Variants in DISP1 observed in about 807,000 individuals in gnomAD.
DISP1 encodes dispatched RND transporter family member 1, also known as protein dispatched homolog 1.
DISP1 carries 30 observed loss-of-function variants against 37.3 expected under a neutral mutation model. The observed-to-expected ratio is 0.80, with a 90% CI of 0.60 to 1.09. DISP1 has a LOEUF of 1.09. DISP1 is among the 50% of genes least tolerant of loss of function. The pLI, the probability that DISP1 is intolerant of heterozygous loss-of-function variation, is 0.00. For synonymous variants in DISP1, 634 were observed against 690.2 expected, an observed-to-expected ratio of 0.92 and a Z score of 1.28; for missense variants, 1,598 against 1,879.5, an observed-to-expected ratio of 0.85 and a Z score of 2.77.
chr1:222,925,330 C>A (rs374624866), intron 1 of DISP1, among the ~76,000 whole-genome samples: 49 of 152,006 alleles, frequency 3.2e-4, no homozygotes, highest in Admixed American at 1.4e-3. Flanking sequence ...AACTCTAGAA[C>A]CTTTGTTTGC....
intron 4 of DISP1, chr1:222,989,521 T>A (rs1558072797): frequency 2.0e-6 from 2 of 985,276 alleles, no homozygotes; most frequent in Non-Finnish European, 2.4e-6. Context: ...TCTTTCAATT[T>A]GAGGTAACAA....
Position 222,928,538 on chromosome 1 carries a change from T to C in DISP1, c.-50T>C, listed in dbSNP as rs1418434055. Reference sequence around the variant, plus strand: ...GCTACTGCAATCATTTGCACCAAACTGAGCCAGAGAAGTTCCCTCTTTTAA... The same window carrying C: ...GCTACTGCAATCATTTGCACCAAACCGAGCCAGAGAAGTTCCCTCTTTTAA... On this transcript the variant is annotated 5_prime_UTR_variant, in exon 2 of 9. Coordinates refer to ENST00000675850, the MANE Select transcript of DISP1 (RefSeq NM_001377229.1). 6.6e-6 allele frequency: 1 copy of C among 152,260 alleles called. No individual in the cohort carries two copies. Among genetic ancestry groups the C allele is most frequent in the Non-Finnish European group, 1.5e-5 (1 of 68,058 alleles). 9.4% of individuals were successfully genotyped at this position (152,260 alleles called of 1,614,324 possible). A position where few individuals can be genotyped will look rare whatever the true frequency, so the allele number is the denominator to read the frequency against.
chr1:222,850,845 A>G (rs1186503570), intron 1 of DISP1, among the ~76,000 whole-genome samples: 1 of 152,048 alleles, frequency 6.6e-6, no homozygotes, highest in Non-Finnish European at 1.5e-5. Context: ...CCAGTCTGTC[A>G]TTGATGGACA....
chr1:222,977,444 G>A (rs1444425902), intron 3 of DISP1, among the ~76,000 whole-genome samples: 3 of 118,384 alleles, frequency 2.5e-5, no homozygotes, highest in Non-Finnish European at 3.4e-5. Flanking sequence ...AATATTTTTT[G>A]TCTAACTCCC....
At chr1:222,935,898 AT>A (rs1673693942) in intron 2 of DISP1, among the ~76,000 whole-genome samples, 2 of 152,264 alleles carry the variant, frequency 1.3e-5, no homozygotes, top group Non-Finnish European at 2.9e-5. Flanking sequence ...ATTGTGTGTC[AT>A]TAATTTTGGT....
At chr1:222,897,258 C>CT (rs1164781776) in intron 1 of DISP1, among the ~76,000 whole-genome samples, 1 of 152,102 alleles carries the variant, frequency 6.6e-6, no homozygotes, top group Non-Finnish European at 1.5e-5. Flanking sequence ...TTAGGAAGTT[C>CT]TAGAACAGGC....
At chr1:222,916,493 G>A (rs956359371) in intron 1 of DISP1, among the ~76,000 whole-genome samples, 2 of 152,210 alleles carry the variant, frequency 1.3e-5, no homozygotes, top group Non-Finnish European at 2.9e-5. Context: ...TGTGGAGCAT[G>A]CCAATCAATT....
rs192644043 is a variant in DISP1 at position 222,961,466 on chromosome 1, A to G, written c.509+18134A>G. On this transcript the variant is annotated intron_variant, in intron 3 of 8. Coordinates refer to ENST00000675850, the MANE Select transcript of DISP1 (RefSeq NM_001377229.1). ...AATAAACTAGGTATTGATGGAACGT[A>G]TCTCAGAATAATAGCTATTCATGAT... Among the ~76,000 whole-genome samples the G allele has an allele frequency of 2.2e-3, 332 of 152,336 alleles. 2 individuals are homozygous for G. The highest frequency in any genetic ancestry group is 7.4e-3 in the African/African-American group (307 of 41,568).
chr1:222,995,124 C>T (rs1432406008), intron 8 of DISP1, 142 bp downstream of exon 8: 9 of 679,350 alleles, frequency 1.3e-5, no homozygotes, highest in Non-Finnish European at 2.1e-5. Context: ...AGCAGGCCAG[C>T]TTTGCATTCT....
chr1:222,936,644 T>TATATAATATATAAAATATATG (rs1558339236), intron 2 of DISP1, among the ~76,000 whole-genome samples: 37 of 112,200 alleles, frequency 3.3e-4, no homozygotes, highest in African/African-American at 1.3e-3. Flanking sequence ...ATATATGAGA[T>TATATAATATATAAAATATATG]ATATATATCT....
At chr1:222,913,978 A>G (rs1050839377) in intron 1 of DISP1, among the ~76,000 whole-genome samples, 1 of 148,626 alleles carries the variant, frequency 6.7e-6, no homozygotes, top group Non-Finnish European at 1.5e-5. Flanking sequence ...TATAACTCAT[A>G]CTGTTATATG....
At position 223,004,694 on chromosome 1, in the gene DISP1, C is replaced by T. The variant is rs778288584; in HGVS notation, c.3297C>T (p.Pro1099=). 6.2e-7 allele frequency: 1 copy of T among 1,614,074 alleles called. No individual in the cohort carries two copies. The highest frequency in any genetic ancestry group is 1.1e-5 in the South Asian group (1 of 91,078). Reference sequence around the variant, plus strand: ...TCGTGGCAGGGGCCATGATGATGCCCTCCACAGTTCTAGCTTACACCCAGC... The same window carrying T: ...TCGTGGCAGGGGCCATGATGATGCCTTCCACAGTTCTAGCTTACACCCAGC... The part of the protein sequence containing the change: ...TTFVAGAMMM[P]STVLAYTQLG... The change falls in exon 9 of 9, where the codon CCC becomes CCT. Residue 1099 remains proline, a synonymous_variant. Transcript: ENST00000675850. This position sits in a 1 kb window ranked among gnomAD's most constrained non-coding sequence, Gnocchi z 4.9.
At chr1:222,904,695 G>T (rs1477073496) in intron 1 of DISP1, among the ~76,000 whole-genome samples, 1 of 151,774 alleles carries the variant, frequency 6.6e-6, no homozygotes, top group Non-Finnish European at 1.5e-5. Flanking sequence ...AGTCTCCTGA[G>T]TAACTGGGAC....
intron 1 of DISP1, among the ~76,000 whole-genome samples, chr1:222,928,212 G>A (rs1673190739): frequency 6.6e-6 from 1 of 152,224 alleles, no homozygotes; most frequent in African/African-American, 2.4e-5. Context: ...TGTGGAAGCA[G>A]GAAAAGGCTA....
intron 1 of DISP1, among the ~76,000 whole-genome samples, chr1:222,824,803 T>C (rs1171003297): frequency 3.3e-5 from 5 of 152,076 alleles, no homozygotes; most frequent in African/African-American, 1.2e-4. Flanking sequence ...ACCTTTCTCA[T>C]ATTACAGCAT....
intron 1 of DISP1, among the ~76,000 whole-genome samples, chr1:222,846,655 T>C (rs919215566): frequency 6.6e-6 from 1 of 152,228 alleles, no homozygotes; most frequent in Non-Finnish European, 1.5e-5. Flanking sequence ...TAAAGATGCA[T>C]CTAAGGCTTG....
intron 4 of DISP1, among the ~76,000 whole-genome samples, chr1:222,988,104 A>T (rs111841208): frequency 6.6e-6 from 1 of 152,172 alleles, no homozygotes. Flanking sequence ...TGTCACTTAA[A>T]TGTTTTTATT....
chr1:222,876,480 C>T (rs1669981884), intron 1 of DISP1, among the ~76,000 whole-genome samples: 1 of 152,126 alleles, frequency 6.6e-6, no homozygotes, highest in African/African-American at 2.4e-5. Flanking sequence ...TGGTTCACTG[C>T]AGCACTGTCT....
rs372615313 is a variant in DISP1, at chr1:223,003,716, G to C, written c.2319G>C (p.Met773Ile). Residue 773 changes from methionine (M) to isoleucine (I), a missense_variant, in exon 9 of 9, where the codon ATG (methionine) becomes ATC (isoleucine). Physicochemically the swap from Met to Ile is conservative, Grantham distance 10. Coordinates refer to ENST00000675850, the MANE Select transcript of DISP1 (RefSeq NM_001377229.1). This position sits in a 1 kb window ranked among gnomAD's most constrained non-coding sequence, Gnocchi z 4.3. Reference protein sequence around the residue: ...RYDAEYKKLFMFERVHHGEEL... With the variant: ...RYDAEYKKLFIFERVHHGEEL... ...ATGCTGAATACAAAAAGCTTTTCAT[G>C]TTTGAACGTGTTCACCATGGCGAGG... The C allele has an allele frequency of 6.2e-7, 1 of 1,614,140 alleles. No homozygotes were observed. The highest frequency in any genetic ancestry group is 1.7e-5 in the Admixed American group (1 of 60,026).
Sources: gnomAD v4.1 joint callset for allele counts (sites outside exome capture counted in the v4.1 genomes callset) on GRCh38, gnomAD v4.1.1 for gene constraint, Gnocchi (gnomAD v3.1) non-coding constraint, MANE v1.5 for transcripts, NCBI Gene and HGNC (gene_info 2026-07-23, HGNC 2026-07-21) for gene names.